Variants in PHC3 observed in about 807,000 individuals in gnomAD.
The protein encoded by PHC3 is polyhomeotic-like protein 3.
In PHC3, 13 loss-of-function variants were observed where a neutral mutation model predicts 107.4. The observed-to-expected ratio is 0.12, with a 90% confidence interval of 0.08 to 0.19. PHC3 has a LOEUF of 0.19. Ranked by LOEUF, PHC3 falls within the 10% of genes least tolerant of loss-of-function variation. PHC3 has a pLI of 1.00. For missense variants in PHC3, 992 were observed against 1,210.9 expected (o/e 0.82, Z 2.68); for synonymous variants, 456 against 427.4 (o/e 1.07, Z -0.83).
Position 170,102,949 on chromosome 3 carries a change from A to T in PHC3, c.2469-15T>A. 1 of 1,598,574 alleles carries T rather than the reference A, an allele frequency of 6.3e-7. No homozygotes were observed. Among genetic ancestry groups the T allele is most frequent in the Non-Finnish European group, 8.5e-7 (1 of 1,170,790 alleles). On this transcript the variant is annotated splice_polypyrimidine_tract_variant and intron_variant, in intron 12 of 14. Transcript: ENST00000495893. ...TAACATTGTACCTAAGAAATTCAAG[A>T]AAGAAAAAATATTTAATGATATATG... is the stretch of plus-strand genomic sequence containing the variant.
chr3:170,145,993 T>G (rs771812139), intron 5 of PHC3, among the ~76,000 whole-genome samples: 3 of 152,162 alleles, frequency 2.0e-5, no homozygotes, highest in Non-Finnish European at 4.4e-5. Flanking sequence ...CTATGCCACA[T>G]ACTACACTCC....
At chr3:170,123,310 CTT>C (rs1486370720) in intron 8 of PHC3, among the ~76,000 whole-genome samples, 2 of 151,520 alleles carry the variant, frequency 1.3e-5, no homozygotes, top group Non-Finnish European at 2.9e-5. Flanking sequence ...TCTAATGACT[CTT>C]TATATATAAT....
intron 6 of PHC3, among the ~76,000 whole-genome samples, chr3:170,141,965 C>G (rs1724188660): frequency 6.6e-6 from 1 of 152,108 alleles, no homozygotes; most frequent in Non-Finnish European, 1.5e-5. Context: ...AGCTAAGAAC[C>G]AACTTTGTGA....
chr3:170,144,627 C>T (rs1724661836), intron 6 of PHC3, among the ~76,000 whole-genome samples: 1 of 152,202 alleles, frequency 6.6e-6, no homozygotes, highest in Non-Finnish European at 1.5e-5. Context: ...GGATGCTCCA[C>T]ATTCTCACCA....
intron 2 of PHC3, among the ~76,000 whole-genome samples, chr3:170,174,694 CTG>C (rs746282566): frequency 1.7e-4 from 26 of 152,128 alleles, no homozygotes; most frequent in African/African-American, 3.1e-4. Context: ...CAGCATATTT[CTG>C]TGTGTTATTG....
At chr3:170,121,983 T>C (rs1466113999) in intron 9 of PHC3, among the ~76,000 whole-genome samples, 1 of 152,194 alleles carries the variant, frequency 6.6e-6, no homozygotes, top group Non-Finnish European at 1.5e-5. Flanking sequence ...CTGGGCATGG[T>C]AGCTCACACC....
At chr3:170,151,361 G>A (rs1213400444) in intron 4 of PHC3, among the ~76,000 whole-genome samples, 2 of 152,070 alleles carry the variant, frequency 1.3e-5, no homozygotes. Flanking sequence ...CAAGCAACAA[G>A]GCAGACTGGA....
At chr3:170,145,573 A>C (rs1724803711) in intron 5 of PHC3, 52 bp from the exon 6 acceptor site, 4 of 1,320,602 alleles carry the variant, frequency 3.0e-6, no homozygotes, top group Non-Finnish European at 4.3e-6. Context: ...AACATGTCCC[A>C]CACACAATGT....
chr3:170,179,484 T>A (rs1480294394), intron 1 of PHC3, among the ~76,000 whole-genome samples: 3 of 152,244 alleles, frequency 2.0e-5, no homozygotes, highest in African/African-American at 7.2e-5. Context: ...TAACTCACAC[T>A]GGCTTTTCCC....
chr3:170,139,298 A>G (rs1195661964), intron 6 of PHC3, among the ~76,000 whole-genome samples: 1 of 152,208 alleles, frequency 6.6e-6, no homozygotes, highest in Non-Finnish European at 1.5e-5. Flanking sequence ...AGTTCTCTTC[A>G]TCGTGTTCTT....
chr3:170,126,528 A>ATATAT lies in PHC3; in HGVS notation c.1788+2155_1788+2156insATATA, dbSNP rs370421296. ...TGTATATATATATATATATATATAT[A>ATATAT]TTTTTTTTTTTTTTTCCTTTTTCTT... On this transcript the variant is annotated intron_variant, in intron 8 of 14. Coordinates refer to ENST00000495893, the MANE Select transcript of PHC3 (RefSeq NM_024947.4). 5.4e-3 allele frequency among the ~76,000 whole-genome samples: 492 copies of ATATAT among 90,580 alleles called. 1 individual carries two copies. The highest frequency in any genetic ancestry group is 7.9e-3 in the Admixed American group (61 of 7,726). 59.4% of individuals were successfully genotyped at this position (90,580 alleles called of 152,430 possible).
intron 1 of PHC3, 84 bp downstream of exon 1, chr3:170,181,618 C>T: frequency 1.3e-6 from 2 of 1,596,422 alleles, no homozygotes; most frequent in East Asian, 2.2e-5. Flanking sequence ...CGCAAAAGAG[C>T]CCTGAGCTTT....
At chr3:170,108,606 G>A (rs772081075) in intron 11 of PHC3, among the ~76,000 whole-genome samples, 5 of 152,170 alleles carry the variant, frequency 3.3e-5, no homozygotes, top group South Asian at 4.2e-4. Flanking sequence ...ACCTTCCAAC[G>A]GCCCAGTCAG....
chr3:170,165,172 A>C (rs1321006140), intron 4 of PHC3, among the ~76,000 whole-genome samples: 1 of 152,198 alleles, frequency 6.6e-6, no homozygotes. Flanking sequence ...ACATCCTTCA[A>C]GTGTCAATGG....
intron 14 of PHC3, chr3:170,102,061 G>GA (rs1325165407): frequency 3.5e-6 from 3 of 860,598 alleles, no homozygotes; most frequent in Non-Finnish European, 4.2e-6. Flanking sequence ...GTAAAAAAAA[G>GA]AAAAAAGTCT....
Position 170,099,439 on chromosome 3 carries a change from AATAT to A in PHC3, c.2834-2059_2834-2056del, listed in dbSNP as rs200618592. 5.9e-3 allele frequency among the ~76,000 whole-genome samples: 905 copies of A among 152,276 alleles called. 12 individuals are homozygous for A. Among genetic ancestry groups the A allele is most frequent in the African/African-American group, 0.021 (868 of 41,554 alleles). ...TGCTTCCAGAATCTCATTACAGAAA[AATAT>A]ATTTTAAAAACAATTTTAAGTGCTC... On this transcript the variant is annotated intron_variant, in intron 14 of 14. Coordinates refer to ENST00000495893, the MANE Select transcript of PHC3 (RefSeq NM_024947.4).
chr3:170,175,177 G>A (rs1730224369), intron 2 of PHC3, among the ~76,000 whole-genome samples: 1 of 152,138 alleles, frequency 6.6e-6, no homozygotes, highest in Non-Finnish European at 1.5e-5. Flanking sequence ...GAATTACTTA[G>A]GTAGTTCAAT....
intron 6 of PHC3, 120 bp downstream of exon 6, chr3:170,145,303 A>G: frequency 1.5e-6 from 1 of 664,184 alleles, no homozygotes. Context: ...TTAAATTTCA[A>G]TCTGAAATGC....
chr3:170,126,657 T>C (rs1036248152), intron 8 of PHC3, among the ~76,000 whole-genome samples: 1 of 151,522 alleles, frequency 6.6e-6, no homozygotes, highest in Non-Finnish European at 1.5e-5. Context: ...TTCTTGTGCC[T>C]ATGTCTCCCA....
Sources: gnomAD v4.1 joint callset for allele counts (sites outside exome capture counted in the v4.1 genomes callset) on GRCh38, gnomAD v4.1.1 for gene constraint, MANE v1.5 for transcripts, NCBI Gene and HGNC (gene_info 2026-07-23, HGNC 2026-07-21) for gene names.